The following ZMIZ1 variants were observed in gnomAD, a reference collection of about 807,000 sequenced individuals.
ZMIZ1 encodes the protein zinc finger MIZ domain-containing protein 1.
ZMIZ1 carries 17 observed loss-of-function variants against 113.9 expected under a neutral mutation model. That is an observed-to-expected ratio of 0.15 (90% CI 0.10 to 0.22). ZMIZ1 has a LOEUF of 0.22. Ranked by LOEUF, ZMIZ1 falls within the 10% of genes least tolerant of loss-of-function variation. ZMIZ1 has a pLI of 1.00. For missense variants in ZMIZ1, 1,059 were observed against 1,477.8 expected, an observed-to-expected ratio of 0.72 and a Z score of 4.65; for synonymous variants, 607 against 603.1, an observed-to-expected ratio of 1.01 and a Z score of -0.09.
chr10:79,079,230 G>A (rs1842579112), intron 1 of ZMIZ1, among the ~76,000 whole-genome samples: 1 of 152,256 alleles, frequency 6.6e-6, no homozygotes, highest in Admixed American at 6.5e-5. Context: ...CCTAGAGACA[G>A]GCCCCAGAGT....
intron 6 of ZMIZ1, among the ~76,000 whole-genome samples, chr10:79,209,515 G>A (rs2132686578): frequency 6.6e-6 from 1 of 152,376 alleles, no homozygotes; most frequent in African/African-American, 2.4e-5. Flanking sequence ...ACAGATGGCA[G>A]GGGAGCCCGC....
chr10:79,158,937 A>C (rs1394998493), intron 3 of ZMIZ1, among the ~76,000 whole-genome samples: 1 of 152,180 alleles, frequency 6.6e-6, no homozygotes. Flanking sequence ...CTTCAGATGC[A>C]CTGTGAGAGT....
At chr10:79,205,707 G>T (rs1173174832) in intron 5 of ZMIZ1, among the ~76,000 whole-genome samples, 1 of 152,174 alleles carries the variant, frequency 6.6e-6, no homozygotes, top group East Asian at 1.9e-4. Flanking sequence ...GACCATGTCT[G>T]TTCTGCTTAT....
rs577367690 is a variant in ZMIZ1 at position 79,315,485 on chromosome 10, G to A, written c.*2736G>A. 2.0e-5 allele frequency: 3 copies of A among 152,940 alleles called. No individual in the cohort carries two copies. The highest frequency in any genetic ancestry group is 2.9e-5 in the Non-Finnish European group (2 of 68,080). 9.5% of individuals were successfully genotyped at this position (152,940 alleles called of 1,614,324 possible). On this transcript the variant is annotated 3_prime_UTR_variant, in exon 25 of 25. Transcript: ENST00000334512. ...ACTTTTCCATGCCAAGCATCCACCCGGCCCACAGGCATGTTTCTGCCGCCA... is the reference window on the plus strand; with the variant it reads ...ACTTTTCCATGCCAAGCATCCACCCAGCCCACAGGCATGTTTCTGCCGCCA...
intron 2 of ZMIZ1, among the ~76,000 whole-genome samples, chr10:79,129,876 A>G (rs887394639): frequency 1.3e-5 from 2 of 152,252 alleles, no homozygotes; most frequent in Admixed American, 1.3e-4. Flanking sequence ...GCAGGGGGAC[A>G]GAGCGGAGTT....
intron 4 of ZMIZ1, among the ~76,000 whole-genome samples, chr10:79,177,982 AGACAT>A (rs1278654087): frequency 6.6e-6 from 1 of 152,156 alleles, no homozygotes; most frequent in Non-Finnish European, 1.5e-5. Flanking sequence ...TGCTCCTATT[AGACAT>A]GATCCTTAAT....
intron 1 of ZMIZ1, among the ~76,000 whole-genome samples, chr10:79,087,479 T>C (rs4979843): frequency 0.26 from 39,726 of 152,132 alleles, 5,868 homozygotes; most frequent in Non-Finnish European, 0.33. Context: ...GTCTTTGGAC[T>C]CCACCTTCTG....
chr10:79,141,918 C>A (rs1301384703), intron 3 of ZMIZ1, among the ~76,000 whole-genome samples: 1 of 152,124 alleles, frequency 6.6e-6, no homozygotes, highest in African/African-American at 2.4e-5. Flanking sequence ...AAGCTGTTGC[C>A]CACATCCAGG....
intron 4 of ZMIZ1, among the ~76,000 whole-genome samples, chr10:79,169,091 T>C (rs1243535782): frequency 6.6e-6 from 1 of 152,174 alleles, no homozygotes; most frequent in Non-Finnish European, 1.5e-5. Context: ...TAGGGGAACA[T>C]CTCTGCTTCA....
rs77040721 is a variant in ZMIZ1, at chr10:79,169,936, C to T, written c.-50+7803C>T. On this transcript the variant is annotated intron_variant, in intron 4 of 24. Coordinates refer to ENST00000334512, the MANE Select transcript of ZMIZ1 (RefSeq NM_020338.4). ...GGCATTTGTTAGCTCTGGACCCAGA[C>T]ACTTCCCTCTCCAGAGACAATGGAC... 9.2e-3 allele frequency among the ~76,000 whole-genome samples: 1,401 copies of T among 152,372 alleles called. 8 individuals are homozygous for T. The highest frequency in any genetic ancestry group is 0.015 in the Non-Finnish European group (1,028 of 68,036).
chr10:79,073,463 G>A (rs185123876), intron 1 of ZMIZ1, among the ~76,000 whole-genome samples: 70 of 152,330 alleles, frequency 4.6e-4, no homozygotes, highest in African/African-American at 1.6e-3. Context: ...ATTACCTCCT[G>A]GAAGCCTCTG....
intron 7 of ZMIZ1, among the ~76,000 whole-genome samples, chr10:79,224,270 TTTTC>T (rs1374669388): frequency 2.0e-5 from 3 of 152,140 alleles, no homozygotes; most frequent in African/African-American, 7.2e-5. Flanking sequence ...AGGGTGACTC[TTTTC>T]TTTGTTTCCC....
At chr10:79,230,307 T>C (rs1849345193) in intron 7 of ZMIZ1, among the ~76,000 whole-genome samples, 1 of 152,018 alleles carries the variant, frequency 6.6e-6, no homozygotes, top group Non-Finnish European at 1.5e-5. Context: ...TCTGCCAGGG[T>C]CATCTGCAGC....
intron 4 of ZMIZ1, among the ~76,000 whole-genome samples, chr10:79,184,312 A>G (rs763095018): frequency 2.6e-5 from 4 of 152,160 alleles, no homozygotes; most frequent in Non-Finnish European, 5.9e-5. Context: ...GTGCACACAC[A>G]GCATTGTGAG....
chr10:79,275,726 C>T (rs1852246144), intron 7 of ZMIZ1, among the ~76,000 whole-genome samples: 1 of 152,222 alleles, frequency 6.6e-6, no homozygotes, highest in Non-Finnish European at 1.5e-5. Context: ...CTGGTCCAGC[C>T]TCAGGCTCTA....
intron 18 of ZMIZ1, among the ~76,000 whole-genome samples, chr10:79,302,751 TG>T (rs1045769389): frequency 5.1e-5 from 7 of 137,818 alleles, no homozygotes; most frequent in Admixed American, 4.1e-4. Context: ...TGGAGTGCAG[TG>T]GCATGATCTC....
intron 1 of ZMIZ1, among the ~76,000 whole-genome samples, chr10:79,112,700 C>T (rs1340977812): frequency 6.6e-6 from 1 of 152,208 alleles, no homozygotes; most frequent in Non-Finnish European, 1.5e-5. Flanking sequence ...ACCACCCACC[C>T]GTTCCTGCAG....
At chr10:79,075,119 G>A (rs532058077) in intron 1 of ZMIZ1, among the ~76,000 whole-genome samples, 1 of 152,198 alleles carries the variant, frequency 6.6e-6, no homozygotes, top group East Asian at 1.9e-4. Flanking sequence ...TCCACCCCTA[G>A]ACAGCCAGCT....
chr10:79,258,254 C>G (rs1457659172), intron 7 of ZMIZ1, among the ~76,000 whole-genome samples: 3 of 152,126 alleles, frequency 2.0e-5, no homozygotes, highest in Non-Finnish European at 2.9e-5. Flanking sequence ...GGTGGTTATG[C>G]ACGCCTGTAG....
Sources: gnomAD v4.1 joint callset for allele counts (sites outside exome capture counted in the v4.1 genomes callset) on GRCh38, gnomAD v4.1.1 for gene constraint, MANE v1.5 for transcripts, NCBI Gene and HGNC (gene_info 2026-07-23, HGNC 2026-07-21) for gene names.